POT1: variants seen among roughly 807,000 people sequenced by gnomAD.
POT1 encodes protection of telomeres 1.
In POT1, 47 loss-of-function variants were observed where a neutral mutation model predicts 78.5. That is an observed-to-expected ratio of 0.60 (90% CI 0.47 to 0.76). The LOEUF is 0.76. POT1 is among the 30% of genes least tolerant of loss of function. The probability of loss-of-function intolerance (pLI) is 0.00; values close to 1 mark genes in which losing one functional copy is unlikely to be tolerated. For synonymous variants in POT1, 259 were observed against 260.7 expected (o/e 0.99, Z 0.06); for missense variants, 646 against 749.9 (o/e 0.86, Z 1.62).
At chr7:124,828,573 C>T (rs988107753) in intron 16 of POT1, among the ~76,000 whole-genome samples, 2 of 151,998 alleles carry the variant, frequency 1.3e-5, no homozygotes, top group African/African-American at 4.8e-5. Flanking sequence ...CAAAAGGTCT[C>T]AATAGGTTAA....
chr7:124,892,353 G>T lies in POT1; in HGVS notation c.37C>A (p.Pro13Thr). 2 of 1,498,466 alleles carry T rather than the reference G, an allele frequency of 1.3e-6. No individual in the cohort carries two copies. Among genetic ancestry groups the T allele is most frequent in the Non-Finnish European group, 1.8e-6 (2 of 1,129,564 alleles). The allele number at this position is 1,498,466 out of a possible 1,614,324, so 92.8% of individuals were successfully genotyped here. Residue 13 changes from proline to threonine, a missense_variant, in exon 6 of 19, where the codon CCC becomes ACC. Transcript: ENST00000357628. ...GTACCACCCTTAAGTTGATTCAGGGGTGTATATATATAATTTGTTGCTGGA... is the reference window on the plus strand; with the variant it reads ...GTACCACCCTTAAGTTGATTCAGGGTTGTATATATATAATTTGTTGCTGGA... ...LVPATNYIYT[P>T]LNQLKGGTIV... is the part of the protein sequence containing the mutation.
chr7:124,900,883 CAG>C (rs1796603198), intron 3 of POT1: 2 of 349,886 alleles, frequency 5.7e-6, no homozygotes, highest in East Asian at 1.7e-4. Flanking sequence ...CCCATGCCCA[CAG>C]AGTTTTGCTC....
chr7:124,853,268 C>A (rs1163877799), intron 9 of POT1, 130 bp from the exon 10 acceptor site: 1 of 661,402 alleles, frequency 1.5e-6, no homozygotes, highest in Non-Finnish European at 2.5e-6. Context: ...AAAGTATCTG[C>A]AAAGTATGCT....
intron 16 of POT1, among the ~76,000 whole-genome samples, chr7:124,827,643 A>T (rs944239323): frequency 6.6e-6 from 1 of 152,164 alleles, no homozygotes. Context: ...AATTAAGCTC[A>T]TTTAGCAGAT....
At chr7:124,844,784 G>A (rs1448664817) in intron 12 of POT1, among the ~76,000 whole-genome samples, 2 of 146,408 alleles carry the variant, frequency 1.4e-5, no homozygotes, top group Non-Finnish European at 3.0e-5. Flanking sequence ...TCAATTTAGT[G>A]TACATTGCTA....
chr7:124,891,917 TA>T (rs1796380572), intron 6 of POT1, among the ~76,000 whole-genome samples: 1 of 151,680 alleles, frequency 6.6e-6, no homozygotes, highest in Non-Finnish European at 1.5e-5. Flanking sequence ...TCAACTTCTA[TA>T]ACAGAATTAA....
chr7:124,832,351 T>A (rs56135137), intron 15 of POT1, among the ~76,000 whole-genome samples: 6,648 of 152,178 alleles, frequency 0.044, 354 homozygotes, highest in African/African-American at 0.12. Flanking sequence ...GTTACTTTTT[T>A]AATTTTTCTA....
intron 6 of POT1, among the ~76,000 whole-genome samples, chr7:124,885,296 A>C (rs1255467899): frequency 6.7e-6 from 1 of 149,996 alleles, no homozygotes; most frequent in East Asian, 1.9e-4. Flanking sequence ...ATCTCTCCAA[A>C]AAAAAAAAAA....
intron 8 of POT1, among the ~76,000 whole-genome samples, chr7:124,860,415 G>T (rs903473536): frequency 6.6e-6 from 1 of 151,812 alleles, no homozygotes; most frequent in Non-Finnish European, 1.5e-5. Flanking sequence ...GTTAGTATTT[G>T]TTTTTTTCTA....
chr7:124,892,643 A>T (rs1342829965), intron 5 of POT1: 1 of 220,216 alleles, frequency 4.5e-6, no homozygotes, highest in Non-Finnish European at 8.9e-6. Context: ...TACTTCTTCA[A>T]TAAAAACATA....
At chr7:124,912,973 C>T (rs1050936911) in intron 3 of POT1, among the ~76,000 whole-genome samples, 12 of 152,152 alleles carry the variant, frequency 7.9e-5, no homozygotes, top group African/African-American at 2.9e-4. Context: ...TACAGTTCCA[C>T]ATAGCTGGGG....
At chr7:124,827,516 C>G (rs1794660714) in intron 16 of POT1, among the ~76,000 whole-genome samples, 1 of 152,156 alleles carries the variant, frequency 6.6e-6, no homozygotes, top group African/African-American at 2.4e-5. Context: ...GGATTGCCTG[C>G]TTGGTGTGTG....
At chr7:124,838,041 G>T (rs1053358976) in intron 14 of POT1, among the ~76,000 whole-genome samples, 1 of 152,038 alleles carries the variant, frequency 6.6e-6, no homozygotes, top group Non-Finnish European at 1.5e-5. Context: ...TAGGAATATT[G>T]GGGAACTTCT....
chr7:124,926,014 C>A (rs1179279775), intron 2 of POT1, among the ~76,000 whole-genome samples: 1 of 151,828 alleles, frequency 6.6e-6, no homozygotes, highest in Non-Finnish European at 1.5e-5. Context: ...TAGAAGAAAA[C>A]CTAGGAAAAA....
intron 9 of POT1, among the ~76,000 whole-genome samples, chr7:124,854,790 A>G (rs1450943018): frequency 6.6e-6 from 1 of 151,958 alleles, no homozygotes; most frequent in Non-Finnish European, 1.5e-5. Context: ...GACATTGGAA[A>G]AAACATAAAA....
chr7:124,858,232 T>A (rs1795494793), intron 9 of POT1, among the ~76,000 whole-genome samples: 1 of 152,168 alleles, frequency 6.6e-6, no homozygotes, highest in African/African-American at 2.4e-5. Flanking sequence ...ATGACTACCA[T>A]CACCTGTCTT....
chr7:124,918,284 A>G (rs1797066531), intron 2 of POT1, among the ~76,000 whole-genome samples: 1 of 152,176 alleles, frequency 6.6e-6, no homozygotes. Context: ...TAGCTAACTA[A>G]TAACACAAGA....
chr7:124,906,900 G>C (rs1020454987), intron 3 of POT1, among the ~76,000 whole-genome samples: 3 of 151,970 alleles, frequency 2.0e-5, no homozygotes, highest in Admixed American at 6.6e-5. Flanking sequence ...ACAGATAATA[G>C]TAGTTTGTAT....
intron 2 of POT1, among the ~76,000 whole-genome samples, chr7:124,926,067 C>T (rs905164605): frequency 2.0e-5 from 3 of 152,092 alleles, no homozygotes; most frequent in Non-Finnish European, 4.4e-5. Context: ...ATGACTAAGA[C>T]CTCAAAAGCA....
Sources: allele counts gnomAD v4.1 joint callset (sites outside exome capture counted in the v4.1 genomes callset), GRCh38; gene constraint gnomAD v4.1.1; transcripts MANE v1.5; gene names NCBI Gene and HGNC (gene_info 2026-07-23, HGNC 2026-07-21).